The following CCSER1 variants were observed in gnomAD, a reference collection of about 807,000 sequenced individuals.
CCSER1 encodes serine-rich coiled-coil domain-containing protein 1.
Under a neutral mutation model 82.0 loss-of-function variants are expected in CCSER1, and 41 were observed. That is an observed-to-expected ratio of 0.50 (90% CI 0.39 to 0.65). The LOEUF is 0.65. Among genes scored for constraint, CCSER1 ranks in the 30% least tolerant of loss-of-function variants. The pLI, the probability that CCSER1 is intolerant of heterozygous loss-of-function variation, is 0.00. For missense variants in CCSER1, 1,119 were observed against 1,064.2 expected, an observed-to-expected ratio of 1.05 and a Z score of -0.72; for synonymous variants, 414 against 383.9, an observed-to-expected ratio of 1.08 and a Z score of -0.92.
chr4:91,380,803 T>A (rs374000300), intron 10 of CCSER1, among the ~76,000 whole-genome samples: 58 of 152,328 alleles, frequency 3.8e-4, no homozygotes, highest in East Asian at 3.3e-3. Flanking sequence ...TATTAGCTGG[T>A]TATTTTGCTC....
intron 7 of CCSER1, among the ~76,000 whole-genome samples, chr4:90,808,149 C>T (rs1757770655): frequency 6.6e-6 from 1 of 152,032 alleles, no homozygotes; most frequent in South Asian, 2.1e-4. Context: ...GCAAAGAACA[C>T]CCTATTCAAT....
At chr4:90,609,308 A>G (rs1362700824) in intron 5 of CCSER1, among the ~76,000 whole-genome samples, 1 of 152,098 alleles carries the variant, frequency 6.6e-6, no homozygotes, top group African/African-American at 2.4e-5. Context: ...TAATTGGTTT[A>G]TATATTTGTT....
At chr4:90,339,617 G>A (rs1156891725) in intron 3 of CCSER1, among the ~76,000 whole-genome samples, 1 of 151,930 alleles carries the variant, frequency 6.6e-6, no homozygotes, top group African/African-American at 2.4e-5. Flanking sequence ...CTTTGCACTT[G>A]TAATTCTTGC....
At chr4:90,625,582 CAT>C (rs1404826101) in intron 5 of CCSER1, among the ~76,000 whole-genome samples, 1 of 152,074 alleles carries the variant, frequency 6.6e-6, no homozygotes, top group East Asian at 1.9e-4. Context: ...ATTTGTTTCT[CAT>C]ATGTGAAAGA....
In CCSER1 at chr4:90,179,924, A is replaced by T. The variant is rs567209469; in HGVS notation, c.-42+52093A>T. Among the ~76,000 whole-genome samples the T allele has an allele frequency of 2.0e-5, 3 of 152,240 alleles. No homozygotes were observed. The East Asian group carries it at 5.8e-4, about 29-fold the overall frequency. On this transcript the variant is annotated intron_variant, in intron 1 of 10. Coordinates refer to ENST00000509176, the MANE Select transcript of CCSER1 (RefSeq NM_001145065.2). ...TTTGTGCCTATGGCCTCTTTAAAAA[A>T]TATAGGACATATCTAAAATGAATAA...
chr4:90,579,077 T>C (rs1319498524), intron 5 of CCSER1, among the ~76,000 whole-genome samples: 1 of 91,838 alleles, frequency 1.1e-5, no homozygotes, highest in Non-Finnish European at 2.0e-5. Context: ...CTTAAAATGA[T>C]TTATATTTTT....
chr4:90,482,486 C>A (rs1365935735), intron 5 of CCSER1, among the ~76,000 whole-genome samples: 3 of 152,204 alleles, frequency 2.0e-5, no homozygotes, highest in Admixed American at 6.5e-5. Context: ...TTAGATCTTT[C>A]CTGCTTTCTC....
chr4:91,197,358 T>C (rs2149060490), intron 10 of CCSER1, among the ~76,000 whole-genome samples: 1 of 152,210 alleles, frequency 6.6e-6, no homozygotes, highest in East Asian at 1.9e-4. Flanking sequence ...TTTTCACTTC[T>C]GCTTTACAGA....
chr4:91,398,147 A>G (rs923791645), intron 10 of CCSER1, among the ~76,000 whole-genome samples: 1 of 151,954 alleles, frequency 6.6e-6, no homozygotes. Flanking sequence ...ATGTATGTCT[A>G]TAAGTGCTTA....
At chr4:90,812,355 A>G (rs187683231) in intron 7 of CCSER1, among the ~76,000 whole-genome samples, 5 of 152,252 alleles carry the variant, frequency 3.3e-5, no homozygotes, top group Admixed American at 2.0e-4. Flanking sequence ...GTATCCTTCA[A>G]TCCAATGAAT....
chr4:90,377,819 A>G (rs1389623551), intron 3 of CCSER1, among the ~76,000 whole-genome samples: 4 of 152,146 alleles, frequency 2.6e-5, no homozygotes, highest in Non-Finnish European at 5.9e-5. Flanking sequence ...GAAATAAATG[A>G]TAATTAGATA....
At chr4:90,714,445 A>T (rs2149339297) in intron 6 of CCSER1, among the ~76,000 whole-genome samples, 1 of 152,114 alleles carries the variant, frequency 6.6e-6, no homozygotes, top group African/African-American at 2.4e-5. Context: ...ACTGCTGAAC[A>T]TACCAAGAAT....
intron 10 of CCSER1, among the ~76,000 whole-genome samples, chr4:91,422,763 A>C (rs1159631437): frequency 6.6e-6 from 1 of 152,172 alleles, no homozygotes; most frequent in Non-Finnish European, 1.5e-5. Context: ...CCAGTAAATC[A>C]CCAAAAAGAA....
At chr4:91,055,987 C>T (rs28492836) in intron 9 of CCSER1, among the ~76,000 whole-genome samples, 42,744 of 151,784 alleles carry the variant, frequency 0.28, 6,247 homozygotes, top group Non-Finnish European at 0.3. Context: ...ACCTCTTATG[C>T]GTTTTTCATT....
intron 10 of CCSER1, among the ~76,000 whole-genome samples, chr4:91,157,261 C>T (rs754906613): frequency 2.0e-5 from 3 of 151,854 alleles, no homozygotes; most frequent in Admixed American, 6.6e-5. Context: ...AACTTAAATA[C>T]TAATAGTCAT....
chr4:91,436,323 T>C (rs937581822), intron 10 of CCSER1, among the ~76,000 whole-genome samples: 1 of 152,196 alleles, frequency 6.6e-6, no homozygotes, highest in Non-Finnish European at 1.5e-5. Context: ...ACATGGCATA[T>C]AGCAAGCTTT....
At chr4:90,420,540 G>A (rs1197412987) in intron 4 of CCSER1, among the ~76,000 whole-genome samples, 2 of 151,820 alleles carry the variant, frequency 1.3e-5, no homozygotes, top group Non-Finnish European at 2.9e-5. Context: ...TAAATCATTT[G>A]CATTTCCTGA....
At chr4:90,838,118 C>T (rs1480404266) in intron 8 of CCSER1, among the ~76,000 whole-genome samples, 1 of 151,718 alleles carries the variant, frequency 6.6e-6, no homozygotes, top group Non-Finnish European at 1.5e-5. Flanking sequence ...TAAAGGAAGA[C>T]TTCTAAACAT....
intron 10 of CCSER1, among the ~76,000 whole-genome samples, chr4:91,255,170 G>A (rs546989674): frequency 6.6e-6 from 1 of 152,272 alleles, no homozygotes; most frequent in East Asian, 1.9e-4. Flanking sequence ...CTGGCACATA[G>A]AGGTCAAGGG....
Sources: allele counts gnomAD v4.1 joint callset (sites outside exome capture counted in the v4.1 genomes callset), GRCh38; gene constraint gnomAD v4.1.1; transcripts MANE v1.5; gene names NCBI Gene and HGNC (gene_info 2026-07-23, HGNC 2026-07-21).